The following MAP2 variants were observed in gnomAD, a reference collection of about 807,000 sequenced individuals.
MAP2 encodes the protein microtubule-associated protein 2.
A neutral mutation model predicts 137.6 loss-of-function variants in MAP2; 14 were observed. The ratio of observed to expected loss-of-function variants is 0.10; its 90% CI spans 0.07 to 0.16. The LOEUF is 0.16. MAP2 is among the 10% of genes least tolerant of loss of function. The pLI is 1.00. For missense variants in MAP2, 2,088 were observed against 2,191.5 expected (o/e 0.95, Z 0.94); for synonymous variants, 786 against 782.3 (o/e 1.00, Z -0.08).
chr2:209,686,022 A>G (rs890409629), intron 7 of MAP2, among the ~76,000 whole-genome samples: 1 of 152,222 alleles, frequency 6.6e-6, no homozygotes, highest in Non-Finnish European at 1.5e-5. Flanking sequence ...CAGGAATTTT[A>G]GAAGTAACTT....
At chr2:209,599,374 C>T (rs1488825705) in intron 3 of MAP2, among the ~76,000 whole-genome samples, 1 of 152,046 alleles carries the variant, frequency 6.6e-6, no homozygotes. Context: ...ATTCTCTTCT[C>T]TTCACCCAAA....
intron 2 of MAP2, among the ~76,000 whole-genome samples, chr2:209,531,221 A>G (rs911193580): frequency 6.6e-6 from 1 of 152,190 alleles, no homozygotes; most frequent in Non-Finnish European, 1.5e-5. Flanking sequence ...GAGGAAAGAA[A>G]AGATAATGTC....
chr2:209,553,849 C>G (rs1418224016), intron 2 of MAP2, among the ~76,000 whole-genome samples: 1 of 152,122 alleles, frequency 6.6e-6, no homozygotes, highest in Non-Finnish European at 1.5e-5. Context: ...AAGTGGCTGT[C>G]AAGGAGAGTG....
intron 3 of MAP2, among the ~76,000 whole-genome samples, chr2:209,580,650 G>A (rs994363881): frequency 6.6e-6 from 1 of 152,248 alleles, no homozygotes; most frequent in African/African-American, 2.4e-5. Flanking sequence ...GAGGTTGTTA[G>A]TTCTTAAAAG....
chr2:209,428,626 T>G (rs10173056), intron 1 of MAP2, among the ~76,000 whole-genome samples: 32,249 of 151,844 alleles, frequency 0.21, 4,046 homozygotes, highest in South Asian at 0.3. Flanking sequence ...TATTTATATT[T>G]CTCATTTAAC....
intron 3 of MAP2, among the ~76,000 whole-genome samples, chr2:209,623,766 A>G (rs1408321136): frequency 6.6e-6 from 1 of 152,188 alleles, no homozygotes; most frequent in African/African-American, 2.4e-5. Flanking sequence ...AGAAAAAAAA[A>G]GCTATATGCA....
intron 1 of MAP2, among the ~76,000 whole-genome samples, chr2:209,452,929 A>G (rs1183321876): frequency 6.6e-6 from 1 of 152,152 alleles, no homozygotes; most frequent in Non-Finnish European, 1.5e-5. Flanking sequence ...TAAATAATTT[A>G]TACCTATCCA....
At chr2:209,580,901 ATTTGCCTTT>A (rs2076261026) in intron 3 of MAP2, among the ~76,000 whole-genome samples, 1 of 152,176 alleles carries the variant, frequency 6.6e-6, no homozygotes, top group Non-Finnish European at 1.5e-5. Flanking sequence ...TATATTTGTA[ATTTGCCTTT>A]AAAAAATGGA....
At position 209,694,862 on chromosome 2, in the gene MAP2, G is replaced by A. The variant is rs545513549; in HGVS notation, c.2692G>A (p.Glu898Lys). 1.9e-5 allele frequency: 31 copies of A among 1,614,042 alleles called. No homozygotes were observed. The highest frequency in any genetic ancestry group is 1.0e-4 in the Admixed American group (6 of 60,004). Residue 898 changes from glutamate (E) to lysine (K), a missense_variant, in exon 8 of 16, where the codon GAA becomes AAA. Coordinates refer to ENST00000682079, the MANE Select transcript of MAP2 (RefSeq NM_001375505.1). ...ATCAGGGGAGAGTGGTACCTTTTAC[G>A]AAGGCACTGATGATAAAGTTCGAAG... is the stretch of plus-strand genomic sequence containing the variant. The part of the protein sequence containing the change: ...NLSGESGTFY[E>K]GTDDKVRRDL...
intron 5 of MAP2, among the ~76,000 whole-genome samples, chr2:209,677,403 TAGACAGACAGAC>T (rs71395564): frequency 8.5e-4 from 125 of 146,446 alleles, no homozygotes; most frequent in Middle Eastern, 3.5e-3. Flanking sequence ...GATAGATAGA[TAGACAGACAGAC>T]AGACAGACAG....
chr2:209,472,627 A>G (rs1706063345), intron 1 of MAP2, among the ~76,000 whole-genome samples: 1 of 152,172 alleles, frequency 6.6e-6, no homozygotes, highest in Non-Finnish European at 1.5e-5. Context: ...GAATGAAAGA[A>G]GAGAAGTTAA....
At chr2:209,463,687 A>G (rs1703427743) in intron 1 of MAP2, among the ~76,000 whole-genome samples, 1 of 152,228 alleles carries the variant, frequency 6.6e-6, no homozygotes, top group South Asian at 2.1e-4. Context: ...TAAACTGCCC[A>G]GGATAAAAGG....
In MAP2 at chr2:209,693,030, G is replaced by T. The variant is rs748236243; in HGVS notation, c.860G>T (p.Gly287Val). 1.9e-6 allele frequency: 3 copies of T among 1,612,242 alleles called. No individual in the cohort carries two copies. Among genetic ancestry groups the T allele is most frequent in the Non-Finnish European group, 2.5e-6 (3 of 1,179,544 alleles). ...GGTTTAGTTGCCCCCATATCTCCTG[G>T]CCCTCTGACTCCCATGAGGGAAAAA... is the stretch of plus-strand genomic sequence containing the variant. ...EWGLVAPISPGPLTPMREKDV... is the reference protein window; with the variant it reads ...EWGLVAPISPVPLTPMREKDV... The change falls in exon 8 of 16, where the codon GGC becomes GTC. Residue 287 changes from glycine to valine, a missense_variant. Gly to Val is a moderately radical substitution (Grantham distance 109, BLOSUM62 -3). This residue lies in a region of MAP2 where 859 missense variants were observed against 794.5 expected (regional missense o/e 1.08). Transcript: ENST00000682079.
chr2:209,540,085 A>C (rs1334961585), intron 2 of MAP2, among the ~76,000 whole-genome samples: 1 of 121,986 alleles, frequency 8.2e-6, no homozygotes, highest in East Asian at 2.7e-4. Flanking sequence ...TGGGTGACAG[A>C]GGGAGACGTT....
chr2:209,630,935 G>A (rs1482932529), intron 4 of MAP2, among the ~76,000 whole-genome samples: 1 of 134,410 alleles, frequency 7.4e-6, no homozygotes, highest in African/African-American at 2.8e-5. Flanking sequence ...GCCCTTAAAA[G>A]TCTTATTCAA....
At chr2:209,636,929 T>C (rs1487432229) in intron 4 of MAP2, among the ~76,000 whole-genome samples, 1 of 152,154 alleles carries the variant, frequency 6.6e-6, no homozygotes, top group Non-Finnish European at 1.5e-5. Context: ...CTTTCTGGCA[T>C]CCAGGATCTA....
intron 1 of MAP2, among the ~76,000 whole-genome samples, chr2:209,440,690 A>G (rs1429147283): frequency 6.6e-6 from 1 of 151,526 alleles, no homozygotes; most frequent in African/African-American, 2.4e-5. Flanking sequence ...GGAAATCTGA[A>G]TGTCATAAAG....
rs1017312019 is a variant in MAP2, at chr2:209,725,703, A to G, written c.5074-6A>G. 6.3e-7 allele frequency: 1 copy of G among 1,583,066 alleles called. No homozygotes were observed. On this transcript the variant is annotated splice_region_variant and splice_polypyrimidine_tract_variant and intron_variant, in intron 13 of 15. Transcript: ENST00000682079. The stretch of plus-strand genomic sequence containing the variant: ...ATTTTAAGCATGTTTTATGTGGTTC[A>G]CATAGGTACAAATTGTTACCAAGAA...
intron 12 of MAP2, among the ~76,000 whole-genome samples, chr2:209,708,531 C>T (rs2064231595): frequency 6.6e-6 from 1 of 152,140 alleles, no homozygotes; most frequent in Non-Finnish European, 1.5e-5. Flanking sequence ...CCAAGAAGCT[C>T]TCCTGAGCTC....
Sources: gnomAD v4.1 joint callset for allele counts (sites outside exome capture counted in the v4.1 genomes callset) on GRCh38, gnomAD v4.1.1 for gene constraint, gnomAD v4.1.1 regional missense constraint, MANE v1.5 for transcripts, NCBI Gene and HGNC (gene_info 2026-07-23, HGNC 2026-07-21) for gene names.